Variants in MTUS2 observed in about 807,000 individuals in gnomAD.
The protein encoded by MTUS2 is microtubule-associated tumor suppressor candidate 2.
MTUS2 carries 40 observed loss-of-function variants against 114.1 expected under a neutral mutation model. That is an observed-to-expected ratio of 0.35 (90% CI 0.27 to 0.46). The LOEUF is 0.46. Ranked by LOEUF, MTUS2 falls within the 20% of genes least tolerant of loss-of-function variation. The pLI, the probability that MTUS2 is intolerant of heterozygous loss-of-function variation, is 1.00. For missense variants in MTUS2, 1,679 were observed against 1,705.4 expected (o/e 0.98, Z 0.27); for synonymous variants, 688 against 672.0 (o/e 1.02, Z -0.37).
chr13:29,233,513 C>T (rs1022531589), intron 5 of MTUS2, among the ~76,000 whole-genome samples: 2 of 152,176 alleles, frequency 1.3e-5, no homozygotes, highest in South Asian at 2.1e-4. Context: ...GTCTGAAGCA[C>T]GTAGCTGAAT....
intron 6 of MTUS2, chr13:29,307,015 C>T (rs973044045): frequency 1.4e-4 from 75 of 531,190 alleles, no homozygotes; most frequent in African/African-American, 2.9e-4. Flanking sequence ...CTTCCAGGAG[C>T]GAGATCCCTC....
chr13:28,894,343 A>AGAGAGAGAGAGAGAGAGT (rs1566203791), intron 2 of MTUS2, among the ~76,000 whole-genome samples: 5 of 93,600 alleles, frequency 5.3e-5, no homozygotes, highest in African/African-American at 2.7e-4. Flanking sequence ...AGAGAGAGAG[A>AGAGAGAGAGAGAGAGAGT]GAGAGAGTGA....
intron 5 of MTUS2, among the ~76,000 whole-genome samples, chr13:29,173,409 C>T (rs1475845278): frequency 1.3e-5 from 2 of 152,108 alleles, no homozygotes; most frequent in Admixed American, 1.3e-4. Context: ...AGGAAATAAG[C>T]TACAATTCAG....
intron 2 of MTUS2, among the ~76,000 whole-genome samples, chr13:28,925,107 G>A (rs1421796299): frequency 3.3e-5 from 5 of 152,094 alleles, no homozygotes; most frequent in Non-Finnish European, 5.9e-5. Context: ...TTAGGCCGTG[G>A]AATGGTTTGG....
At chr13:29,367,107 G>A (rs749512905) in intron 8 of MTUS2, among the ~76,000 whole-genome samples, 13 of 152,074 alleles carry the variant, frequency 8.5e-5, no homozygotes, top group Non-Finnish European at 1.6e-4. Context: ...TCCAGTTCTG[G>A]GAAGAGATGC....
intron 2 of MTUS2, among the ~76,000 whole-genome samples, chr13:28,967,365 C>A (rs140800944): frequency 3.9e-4 from 60 of 152,240 alleles, no homozygotes; most frequent in African/African-American, 1.4e-3. Context: ...TTAAAATTAA[C>A]AAAGTGTAAT....
intron 8 of MTUS2, among the ~76,000 whole-genome samples, 189 bp from the exon 9 acceptor site, chr13:29,439,794 G>A (rs1299972194): frequency 1.3e-5 from 2 of 152,200 alleles, no homozygotes; most frequent in Non-Finnish European, 2.9e-5. Flanking sequence ...TTTGCCATTT[G>A]AATGGGATAC....
chr13:29,501,772 C>T (rs758653921), intron 15 of MTUS2, among the ~76,000 whole-genome samples: 13 of 152,202 alleles, frequency 8.5e-5, no homozygotes, highest in Non-Finnish European at 1.6e-4. Flanking sequence ...CTCCTCAATG[C>T]TCACCCATGG....
chr13:29,243,709 C>T (rs891283304), intron 5 of MTUS2, among the ~76,000 whole-genome samples: 12 of 152,260 alleles, frequency 7.9e-5, no homozygotes, highest in Admixed American at 7.8e-4. Flanking sequence ...GGAAACAATT[C>T]AGTAGTTCTC....
At chr13:29,273,874 A>G (rs1319491464) in intron 5 of MTUS2, among the ~76,000 whole-genome samples, 2 of 152,188 alleles carry the variant, frequency 1.3e-5, no homozygotes, top group Non-Finnish European at 2.9e-5. Flanking sequence ...ATGGCTGAAT[A>G]ATGTTCCATG....
intron 2 of MTUS2, among the ~76,000 whole-genome samples, chr13:28,873,724 C>G (rs1453955026): frequency 6.6e-6 from 1 of 152,136 alleles, no homozygotes; most frequent in Non-Finnish European, 1.5e-5. Context: ...GAATCACATG[C>G]ATTGGTAATG....
At chr13:29,166,110 T>C (rs1893304574) in intron 5 of MTUS2, among the ~76,000 whole-genome samples, 1 of 152,180 alleles carries the variant, frequency 6.6e-6, no homozygotes, top group Admixed American at 6.5e-5. Flanking sequence ...ATGCTTCCAC[T>C]TTGGAAAGGA....
chr13:28,924,884 G>C (rs978211525), intron 2 of MTUS2, among the ~76,000 whole-genome samples: 2 of 152,064 alleles, frequency 1.3e-5, no homozygotes, highest in Admixed American at 1.3e-4. Context: ...ATCTCTACTA[G>C]ATGGCGGTTT....
intron 9 of MTUS2, among the ~76,000 whole-genome samples, chr13:29,442,064 G>T (rs1054595920): frequency 6.6e-6 from 1 of 152,154 alleles, no homozygotes; most frequent in African/African-American, 2.4e-5. Context: ...GTTCCCAGGG[G>T]ATGTGGAGGT....
intron 5 of MTUS2, among the ~76,000 whole-genome samples, chr13:29,186,313 A>T (rs758768645): frequency 6.6e-6 from 1 of 152,272 alleles, no homozygotes; most frequent in Admixed American, 6.5e-5. Flanking sequence ...AAACAGTCCA[A>T]TTAAAAAGGA....
intron 9 of MTUS2, among the ~76,000 whole-genome samples, chr13:29,447,184 T>C (rs1878345875): frequency 6.6e-6 from 1 of 152,134 alleles, no homozygotes; most frequent in African/African-American, 2.4e-5. Context: ...ATACTCAACA[T>C]GTGTTTCCTT....
intron 2 of MTUS2, among the ~76,000 whole-genome samples, chr13:28,853,653 T>C (rs2138039332): frequency 6.6e-6 from 1 of 152,340 alleles, no homozygotes; most frequent in South Asian, 2.1e-4. Flanking sequence ...TATAACCAAA[T>C]TGACCTTCAC....
intron 4 of MTUS2, among the ~76,000 whole-genome samples, chr13:29,043,492 C>A (rs2138567718): frequency 6.6e-6 from 1 of 152,186 alleles, no homozygotes; most frequent in South Asian, 2.1e-4. Flanking sequence ...TGTTGACTTT[C>A]TGTCTTCATG....
intron 2 of MTUS2, among the ~76,000 whole-genome samples, chr13:28,983,668 T>C (rs935930239): frequency 1.3e-5 from 2 of 152,212 alleles, no homozygotes; most frequent in Non-Finnish European, 2.9e-5. Context: ...CATCTGAAAA[T>C]GTGTTAGAAA....
Sources: allele counts gnomAD v4.1 joint callset (sites outside exome capture counted in the v4.1 genomes callset), GRCh38; gene constraint gnomAD v4.1.1; transcripts MANE v1.5; gene names NCBI Gene and HGNC (gene_info 2026-07-23, HGNC 2026-07-21).